The following KDM4C variants were observed in gnomAD, a reference collection of about 807,000 sequenced individuals.
KDM4C encodes the protein lysine-specific demethylase 4C.
Under a neutral mutation model 129.3 loss-of-function variants are expected in KDM4C, and 81 were observed. The ratio of observed to expected loss-of-function variants is 0.63; its 90% CI spans 0.52 to 0.75. The LOEUF is 0.75. KDM4C is among the 30% of genes least tolerant of loss of function. The probability of loss-of-function intolerance (pLI) is 0.00; values close to 1 mark genes in which losing one functional copy is unlikely to be tolerated. For synonymous variants in KDM4C, 573 were observed against 456.1 expected, an observed-to-expected ratio of 1.26 and a Z score of -3.26; for missense variants, 1,457 against 1,304.0, an observed-to-expected ratio of 1.12 and a Z score of -1.81.
intron 14 of KDM4C, among the ~76,000 whole-genome samples, chr9:7,015,406 C>G (rs1170945324): frequency 2.6e-5 from 4 of 152,112 alleles, no homozygotes; most frequent in African/African-American, 9.7e-5. Context: ...ATTGAAAATA[C>G]TCCTTCATTG....
chr9:6,825,575 A>G (rs1484386080), intron 4 of KDM4C, among the ~76,000 whole-genome samples: 1 of 152,186 alleles, frequency 6.6e-6, no homozygotes, highest in Non-Finnish European at 1.5e-5. Context: ...TTTGGGGTAC[A>G]TCATGTCCTG....
rs542039227 is a variant in KDM4C, at chr9:7,068,686, C to CT, written c.2424+19513dup. Among the ~76,000 whole-genome samples, 685 of 101,682 alleles carry CT rather than the reference C, an allele frequency of 6.7e-3. 45 individuals are homozygous for CT. The highest frequency in any genetic ancestry group is 0.012 in the East Asian group (46 of 3,848). 66.7% of individuals were successfully genotyped at this position (101,682 alleles called of 152,430 possible). Reference sequence around the variant, plus strand: ...TTCATACATGTTTATGATGCCCTTTCTTTTTTTTTTTTTTTTTTTTTTTTT... The same window carrying CT: ...TTCATACATGTTTATGATGCCCTTTCTTTTTTTTTTTTTTTTTTTTTTTTTT... On this transcript the variant is annotated intron_variant, in intron 17 of 21. Transcript: ENST00000381309.
intron 15 of KDM4C, among the ~76,000 whole-genome samples, chr9:7,018,398 G>A (rs933749146): frequency 6.6e-6 from 1 of 152,184 alleles, no homozygotes; most frequent in African/African-American, 2.4e-5. Context: ...GTTAATAAAT[G>A]TAAAGCATAT....
intron 17 of KDM4C, among the ~76,000 whole-genome samples, chr9:7,057,684 C>T (rs78391497): frequency 6.6e-6 from 1 of 152,172 alleles, no homozygotes; most frequent in Non-Finnish European, 1.5e-5. Flanking sequence ...TTTAAACAGC[C>T]TCTGGGCAAT....
At chr9:6,909,560 T>C (rs1464087253) in intron 8 of KDM4C, among the ~76,000 whole-genome samples, 2 of 152,312 alleles carry the variant, frequency 1.3e-5, no homozygotes, top group East Asian at 3.9e-4. Flanking sequence ...AAAGATTTCT[T>C]GTATTAAATG....
intron 12 of KDM4C, among the ~76,000 whole-genome samples, chr9:7,011,389 A>G (rs1822661893): frequency 6.6e-6 from 1 of 152,150 alleles, no homozygotes; most frequent in South Asian, 2.1e-4. Flanking sequence ...TTACCGTAGC[A>G]GTAGAGACAC....
intron 5 of KDM4C, among the ~76,000 whole-genome samples, chr9:6,878,471 A>G (rs1043458190): frequency 1.9e-4 from 29 of 152,192 alleles, no homozygotes; most frequent in Non-Finnish European, 3.4e-4. Flanking sequence ...AAGCCTACCT[A>G]GGAGGAGAGG....
intron 8 of KDM4C, among the ~76,000 whole-genome samples, chr9:6,966,003 G>A (rs1347942457): frequency 6.6e-6 from 1 of 152,082 alleles, no homozygotes; most frequent in Non-Finnish European, 1.5e-5. Flanking sequence ...AGGATAAAAA[G>A]CATATGACCA....
chr9:6,961,536 CAGAAT>C (rs1431964855), intron 8 of KDM4C, among the ~76,000 whole-genome samples: 1 of 152,120 alleles, frequency 6.6e-6, no homozygotes, highest in Non-Finnish European at 1.5e-5. Flanking sequence ...TCTCATCAGA[CAGAAT>C]ATAGTATTTA....
chr9:6,829,058 C>T (rs1016447289), intron 4 of KDM4C, among the ~76,000 whole-genome samples: 3 of 152,158 alleles, frequency 2.0e-5, no homozygotes, highest in Admixed American at 6.5e-5. Flanking sequence ...GATTGTGAGA[C>T]GTGTCAGCAA....
intron 5 of KDM4C, among the ~76,000 whole-genome samples, chr9:6,874,173 C>T (rs1843229924): frequency 6.6e-6 from 1 of 152,170 alleles, no homozygotes; most frequent in Non-Finnish European, 1.5e-5. Flanking sequence ...TCAAAGCGAG[C>T]ACATGCTGTT....
intron 8 of KDM4C, among the ~76,000 whole-genome samples, chr9:6,958,815 C>T (rs1346763619): frequency 2.0e-5 from 3 of 151,436 alleles, no homozygotes; most frequent in Non-Finnish European, 2.9e-5. Context: ...ACCACAGGTG[C>T]GCACCACCAC....
At chr9:7,130,942 A>AT (rs1840564597) in intron 19 of KDM4C, among the ~76,000 whole-genome samples, 1 of 145,142 alleles carries the variant, frequency 6.9e-6, no homozygotes, top group African/African-American at 2.6e-5. Flanking sequence ...TTTTTTTTTA[A>AT]TTTTTTTGTA....
At chr9:7,079,001 C>G (rs563992387) in intron 17 of KDM4C, among the ~76,000 whole-genome samples, 1 of 152,284 alleles carries the variant, frequency 6.6e-6, no homozygotes, top group Admixed American at 6.5e-5. Flanking sequence ...TAGCATGTAC[C>G]AAAATTTCAG....
chr9:6,739,287 G>A (rs1187739439), intron 1 of KDM4C, among the ~76,000 whole-genome samples: 3 of 151,608 alleles, frequency 2.0e-5, no homozygotes, highest in Non-Finnish European at 4.4e-5. Flanking sequence ...TGGCCAGGCT[G>A]GTCTTGAACT....
At chr9:7,100,783 C>CT (rs906656557) in intron 17 of KDM4C, among the ~76,000 whole-genome samples, 16 of 149,448 alleles carry the variant, frequency 1.1e-4, no homozygotes, top group South Asian at 4.2e-4. Flanking sequence ...CTTTTCTTTT[C>CT]TTTTTTTTAT....
chr9:6,723,622 C>T (rs924866199), intron 1 of KDM4C: 6 of 120,730 alleles, frequency 5.0e-5, no homozygotes, highest in Admixed American at 1.8e-4. Context: ...CAGAGCGAGA[C>T]TCCATCTCAA....
chr9:6,812,443 G>A (rs900455408), intron 3 of KDM4C, among the ~76,000 whole-genome samples: 1 of 152,170 alleles, frequency 6.6e-6, no homozygotes, highest in Non-Finnish European at 1.5e-5. Context: ...GACTGGTTTT[G>A]TGGAAGATAA....
At chr9:7,162,480 C>T (rs947740362) in intron 19 of KDM4C, among the ~76,000 whole-genome samples, 2 of 152,150 alleles carry the variant, frequency 1.3e-5, no homozygotes, top group African/African-American at 4.8e-5. Context: ...CTATCTCAGG[C>T]ATTGTTTCCA....
Sources: allele counts gnomAD v4.1 joint callset (sites outside exome capture counted in the v4.1 genomes callset), GRCh38; gene constraint gnomAD v4.1.1; transcripts MANE v1.5; gene names NCBI Gene and HGNC (gene_info 2026-07-23, HGNC 2026-07-21).